Variants in CDYL observed in about 807,000 individuals in gnomAD.
The protein encoded by CDYL is chromodomain Y like, also known as chromodomain Y-like protein.
CDYL carries 8 observed loss-of-function variants against 47.3 expected under a neutral mutation model. The ratio of observed to expected loss-of-function variants is 0.17; its 90% CI spans 0.10 to 0.31. CDYL has a LOEUF of 0.31. Among genes scored for constraint, CDYL ranks in the 10% least tolerant of loss-of-function variants. The pLI is 1.00. For synonymous variants in CDYL, 266 were observed against 265.0 expected, an observed-to-expected ratio of 1.00 and a Z score of -0.04; for missense variants, 471 against 701.4, an observed-to-expected ratio of 0.67 and a Z score of 3.71.
At chr6:4,919,924 CA>C (rs11359654) in intron 2 of CDYL, among the ~76,000 whole-genome samples, 9,921 of 148,542 alleles carry the variant, frequency 0.067, 779 homozygotes, top group African/African-American at 0.19. Context: ...TTAACATCAT[CA>C]ATAGCTAAAA....
intron 5 of CDYL, among the ~76,000 whole-genome samples, chr6:4,951,204 C>T (rs963353261): frequency 2.0e-5 from 3 of 152,062 alleles, no homozygotes; most frequent in East Asian, 3.9e-4. Context: ...AGCCACCTAC[C>T]GAAATTGTGT....
chr6:4,721,478 G>A (rs1392467411), intron 2 of CDYL, among the ~76,000 whole-genome samples: 2 of 152,148 alleles, frequency 1.3e-5, no homozygotes, highest in Admixed American at 6.5e-5. Flanking sequence ...CGACTCCCAG[G>A]AGTCAAGCAA....
chr6:4,828,544 A>AT (rs1364180279), intron 1 of CDYL, among the ~76,000 whole-genome samples: 2 of 151,268 alleles, frequency 1.3e-5, no homozygotes. Context: ...TGCTTTTAGG[A>AT]TTTTCTTTTT....
intron 1 of CDYL, among the ~76,000 whole-genome samples, chr6:4,805,440 T>C (rs1392241264): frequency 1.3e-5 from 2 of 152,176 alleles, no homozygotes; most frequent in Non-Finnish European, 2.9e-5. Context: ...TGGAGAGGTG[T>C]TTAGGATCCT....
chr6:4,838,633 C>A (rs1473127936), intron 1 of CDYL, among the ~76,000 whole-genome samples: 1 of 151,782 alleles, frequency 6.6e-6, no homozygotes, highest in Non-Finnish European at 1.5e-5. Context: ...ATAATGACTT[C>A]TTTTCCTCTG....
intron 4 of CDYL, among the ~76,000 whole-genome samples, chr6:4,941,801 T>C (rs1758367512): frequency 6.6e-6 from 1 of 152,176 alleles, no homozygotes. Flanking sequence ...TTATGTTAAT[T>C]TATTGCCCCA....
At chr6:4,831,396 C>T (rs146833616) in intron 1 of CDYL, among the ~76,000 whole-genome samples, 10,231 of 151,994 alleles carry the variant, frequency 0.067, 1,135 homozygotes, top group African/African-American at 0.23. Context: ...TGTAGATATG[C>T]GGCATTATTT....
chr6:4,916,443 T>G (rs1757558707), intron 2 of CDYL, among the ~76,000 whole-genome samples: 1 of 152,278 alleles, frequency 6.6e-6, no homozygotes, highest in African/African-American at 2.4e-5. Context: ...GATGAGAAAC[T>G]CTCGACTGAA....
chr6:4,777,709 G>A (rs531819448), intron 1 of CDYL, among the ~76,000 whole-genome samples: 25 of 152,172 alleles, frequency 1.6e-4, no homozygotes, highest in Non-Finnish European at 2.9e-4. Flanking sequence ...CCTGGGTGTT[G>A]AGGGACTTAA....
chr6:4,937,884 A>G (rs910677235), intron 4 of CDYL, 147 bp downstream of exon 4: 9 of 645,212 alleles, frequency 1.4e-5, no homozygotes, highest in East Asian at 3.1e-5. Flanking sequence ...TAATTAAATC[A>G]TCTGTCTCTT....
In CDYL at chr6:4,895,264, T is replaced by C. The variant is rs1332126245; in HGVS notation, c.691+2885T>C. Among the ~76,000 whole-genome samples the C allele has an allele frequency of 1.5e-5, 2 of 130,820 alleles. 1 individual carries two copies. Among genetic ancestry groups the C allele is most frequent in the African/African-American group, 6.6e-5 (2 of 30,096 alleles). The allele number at this position is 130,820 out of a possible 152,430, so 85.8% of individuals were successfully genotyped here. A position where few individuals can be genotyped will look rare whatever the true frequency, so the allele number is the denominator to read the frequency against. On this transcript the variant is annotated intron_variant, in intron 2 of 6. Coordinates refer to ENST00000397588, the MANE Select transcript of CDYL (RefSeq NM_004824.4). The stretch of plus-strand genomic sequence containing the variant: ...ACAGATGTGTATATATGTGCATGTA[T>C]ACATGTATGTATATATGTGCATATA...
Position 4,767,708 on chromosome 6 carries a change from C to T in CDYL, c.186+32864C>T, listed in dbSNP as rs74423871. Among the ~76,000 whole-genome samples, 48 of 152,258 alleles carry T rather than the reference C, an allele frequency of 3.2e-4. No individual in the cohort carries two copies. In the East Asian group the frequency reaches 8.3e-3, roughly 26 times the overall value. On this transcript the variant is annotated intron_variant, in intron 3 of 8. Transcript: ENST00000328908. ...CAAATATCATCCCTAATGGTAAAAG[C>T]TTTCCCTCTGTAATAAAAATCAAGA...
chr6:4,711,468 GA>G (rs1248310156), intron 1 of CDYL, among the ~76,000 whole-genome samples: 4 of 152,136 alleles, frequency 2.6e-5, no homozygotes, highest in African/African-American at 9.7e-5. Flanking sequence ...TTAGTCTTAT[GA>G]ACTGTGTCTT....
At chr6:4,925,505 A>G (rs533023466) in intron 2 of CDYL, among the ~76,000 whole-genome samples, 2 of 133,550 alleles carry the variant, frequency 1.5e-5, no homozygotes, top group South Asian at 4.9e-4. Flanking sequence ...TCCGCCTCCC[A>G]GGTTCACTCA....
At chr6:4,858,882 T>C (rs1468053975) in intron 1 of CDYL, among the ~76,000 whole-genome samples, 1 of 152,188 alleles carries the variant, frequency 6.6e-6, no homozygotes, top group Non-Finnish European at 1.5e-5. Flanking sequence ...AGGAATTAAA[T>C]GAGTTAACAG....
intron 3 of CDYL, among the ~76,000 whole-genome samples, chr6:4,770,914 G>A (rs7752474): frequency 0.098 from 14,922 of 152,116 alleles, 790 homozygotes; most frequent in Middle Eastern, 0.14. Flanking sequence ...CAAAATGTAA[G>A]AAATACATTT....
chr6:4,908,608 A>T (rs769613689), intron 2 of CDYL, among the ~76,000 whole-genome samples: 1 of 152,194 alleles, frequency 6.6e-6, no homozygotes, highest in Admixed American at 6.5e-5. Context: ...TTTTTTAAGC[A>T]TAAATGCTTC....
At chr6:4,880,718 G>T (rs911309175) in intron 1 of CDYL, among the ~76,000 whole-genome samples, 1 of 152,166 alleles carries the variant, frequency 6.6e-6, no homozygotes, top group Non-Finnish European at 1.5e-5. Context: ...CTGGATTTTG[G>T]ACATTCCAAT....
At chr6:4,825,875 C>T (rs1335658941) in intron 1 of CDYL, among the ~76,000 whole-genome samples, 2 of 151,030 alleles carry the variant, frequency 1.3e-5, no homozygotes, top group South Asian at 2.1e-4. Context: ...AAGAGAGTCA[C>T]CTGACACACA....
Sources: allele counts gnomAD v4.1 joint callset (sites outside exome capture counted in the v4.1 genomes callset), GRCh38; gene constraint gnomAD v4.1.1; transcripts MANE v1.5; gene names NCBI Gene and HGNC (gene_info 2026-07-23, HGNC 2026-07-21).